The following MTUS2 variants were observed in gnomAD, a reference collection of about 807,000 sequenced individuals.
MTUS2 encodes the protein microtubule associated scaffold protein 2.
In MTUS2, 40 loss-of-function variants were observed where a neutral mutation model predicts 114.1. That is an observed-to-expected ratio of 0.35 (90% CI 0.27 to 0.46). MTUS2 has a LOEUF of 0.46. Ranked by LOEUF, MTUS2 falls within the 20% of genes least tolerant of loss-of-function variation. The pLI, the probability that MTUS2 is intolerant of heterozygous loss-of-function variation, is 1.00. For missense variants in MTUS2, 1,679 were observed against 1,705.4 expected (o/e 0.98, Z 0.27); for synonymous variants, 688 against 672.0 (o/e 1.02, Z -0.37).
At chr13:29,293,943 G>T (rs779351817) in intron 6 of MTUS2, among the ~76,000 whole-genome samples, 1 of 152,094 alleles carries the variant, frequency 6.6e-6, no homozygotes, top group Non-Finnish European at 1.5e-5. Flanking sequence ...GCCATTATCA[G>T]TGTGGTGTTC....
chr13:29,192,671 A>G (rs1894495585), intron 5 of MTUS2, among the ~76,000 whole-genome samples: 1 of 152,234 alleles, frequency 6.6e-6, no homozygotes, highest in Non-Finnish European at 1.5e-5. Context: ...ATTACGTATC[A>G]ATTAAAAATA....
At chr13:29,137,594 C>T (rs1892036057) in intron 5 of MTUS2, among the ~76,000 whole-genome samples, 1 of 149,976 alleles carries the variant, frequency 6.7e-6, no homozygotes, top group African/African-American at 2.5e-5. Context: ...CTTCTTTCTC[C>T]TTCCCCTCCT....
chr13:29,189,165 T>C (rs970869632), intron 5 of MTUS2, among the ~76,000 whole-genome samples: 1 of 152,186 alleles, frequency 6.6e-6, no homozygotes, highest in Non-Finnish European at 1.5e-5. Context: ...TTGTAAAATA[T>C]ATGTTGATCT....
chr13:29,195,762 A>C (rs1239259341), intron 5 of MTUS2, among the ~76,000 whole-genome samples: 1 of 152,136 alleles, frequency 6.6e-6, no homozygotes, highest in Non-Finnish European at 1.5e-5. Context: ...ATGAGGGGAA[A>C]CAATCTCAGC....
At chr13:28,992,544 C>T (rs1159897919) in intron 2 of MTUS2, among the ~76,000 whole-genome samples, 1 of 152,142 alleles carries the variant, frequency 6.6e-6, no homozygotes, top group Non-Finnish European at 1.5e-5. Context: ...ATATCCCACA[C>T]TTGCATACTT....
chr13:29,182,210 C>CTT (rs1313457781), intron 5 of MTUS2, among the ~76,000 whole-genome samples: 1 of 152,204 alleles, frequency 6.6e-6, no homozygotes, highest in Non-Finnish European at 1.5e-5. Flanking sequence ...GATTCTCTCT[C>CTT]TTTCTCACAC....
intron 5 of MTUS2, among the ~76,000 whole-genome samples, chr13:29,135,570 T>G (rs951198551): frequency 6.6e-6 from 1 of 152,202 alleles, no homozygotes; most frequent in East Asian, 1.9e-4. Flanking sequence ...GCCATTTTGT[T>G]ATTTGTTTTC....
intron 5 of MTUS2, 87 bp downstream of exon 5, chr13:29,101,057 T>A: frequency 7.4e-7 from 1 of 1,351,392 alleles, no homozygotes; most frequent in South Asian, 1.5e-5. Context: ...TTTGCATGAT[T>A]ATTTAAGAAT....
At chr13:28,992,340 A>T (rs74041689) in intron 2 of MTUS2, among the ~76,000 whole-genome samples, 2,685 of 152,250 alleles carry the variant, frequency 0.018, 83 homozygotes, top group African/African-American at 0.061. Flanking sequence ...TGGCAAGTTG[A>T]TATTAGTGTT....
intron 4 of MTUS2, among the ~76,000 whole-genome samples, chr13:29,066,108 C>G (rs1412782022): frequency 2.6e-5 from 4 of 152,190 alleles, no homozygotes; most frequent in African/African-American, 7.2e-5. Flanking sequence ...TACTTCAACT[C>G]TCTCCAAGGC....
intron 2 of MTUS2, among the ~76,000 whole-genome samples, chr13:29,004,307 A>C (rs978528661): frequency 1.3e-5 from 2 of 152,206 alleles, no homozygotes; most frequent in Non-Finnish European, 2.9e-5. Context: ...ATTCTCATTT[A>C]AAAAAATGCT....
intron 4 of MTUS2, among the ~76,000 whole-genome samples, chr13:29,092,779 T>C (rs926361672): frequency 1.3e-5 from 2 of 152,080 alleles, no homozygotes; most frequent in African/African-American, 4.8e-5. Context: ...AGAAAAATCA[T>C]GTATCAATTA....
chr13:28,879,927 T>C (rs115754654), intron 2 of MTUS2, among the ~76,000 whole-genome samples: 2,664 of 152,182 alleles, frequency 0.018, 83 homozygotes, highest in African/African-American at 0.061. Context: ...AAGCAAGAAG[T>C]TGAGGGTATT....
intron 1 of MTUS2, among the ~76,000 whole-genome samples, chr13:28,832,603 G>T (rs1177824867): frequency 6.7e-6 from 1 of 148,634 alleles, no homozygotes; most frequent in African/African-American, 2.5e-5. Flanking sequence ...AGAAAGAAGG[G>T]CAAACTAAAT....
At position 29,106,431 on chromosome 13, in the gene MTUS2, C is replaced by T. The variant is rs533520488; in HGVS notation, c.2644+5461C>T. Among the ~76,000 whole-genome samples the T allele has an allele frequency of 4.6e-5, 7 of 152,164 alleles. No homozygotes were observed. In the East Asian group the frequency reaches 1.4e-3, roughly 29 times the overall value. On this transcript the variant is annotated intron_variant, in intron 5 of 15. Coordinates refer to ENST00000612955, the MANE Select transcript of MTUS2 (RefSeq NM_001033602.4). ...CTGGAGTGCAGTGGCATGATCTCGT[C>T]TCACTGCAGCCTCTGTCTCTTGGGC...
chr13:29,038,150 T>A (rs1377463649), intron 4 of MTUS2, among the ~76,000 whole-genome samples: 2 of 152,240 alleles, frequency 1.3e-5, no homozygotes, highest in Non-Finnish European at 1.5e-5. Context: ...CTTCATGGAT[T>A]TATCTACCTT....
intron 5 of MTUS2, among the ~76,000 whole-genome samples, chr13:29,117,275 C>T (rs1408730981): frequency 6.6e-6 from 1 of 152,130 alleles, no homozygotes; most frequent in African/African-American, 2.4e-5. Context: ...TGTCTCCCTG[C>T]CTTCTGCGAC....
intron 9 of MTUS2, among the ~76,000 whole-genome samples, chr13:29,466,876 CAAA>C (rs11296600): frequency 5.7e-5 from 5 of 87,602 alleles, no homozygotes; most frequent in Admixed American, 1.3e-4. Flanking sequence ...GACCTCATCT[CAAA>C]AAAAAAAAAA....
chr13:29,381,271 C>T (rs1355822690), intron 8 of MTUS2, among the ~76,000 whole-genome samples: 1 of 152,090 alleles, frequency 6.6e-6, no homozygotes, highest in African/African-American at 2.4e-5. Flanking sequence ...AGAAAGTTTG[C>T]AACTGTGGCA....
Sources: allele counts gnomAD v4.1 joint callset (sites outside exome capture counted in the v4.1 genomes callset), GRCh38; gene constraint gnomAD v4.1.1; transcripts MANE v1.5; gene names NCBI Gene and HGNC (gene_info 2026-07-23, HGNC 2026-07-21).